The following KCNMA1 variants were observed in gnomAD, a reference collection of about 807,000 sequenced individuals.
KCNMA1 encodes the protein potassium calcium-activated channel subfamily M alpha 1.
Under a neutral mutation model 140.0 loss-of-function variants are expected in KCNMA1, and 29 were observed. That is an observed-to-expected ratio of 0.21 (90% CI 0.15 to 0.28). The LOEUF (loss-of-function observed/expected upper bound fraction) is 0.28, where lower values mean the gene tolerates loss of function less well. Among genes scored for constraint, KCNMA1 ranks in the 10% least tolerant of loss-of-function variants. The pLI is 1.00. For synonymous variants in KCNMA1, 612 were observed against 611.9 expected, an observed-to-expected ratio of 1.00 and a Z score of 0.00; for missense variants, 880 against 1,602.2, an observed-to-expected ratio of 0.55 and a Z score of 7.70.
intron 26 of KCNMA1, among the ~76,000 whole-genome samples, chr10:76,890,823 C>T (rs1412968199): frequency 2.6e-5 from 4 of 152,192 alleles, no homozygotes; most frequent in South Asian, 2.1e-4. Flanking sequence ...TGGCCACTTC[C>T]GTCACAGGGA....
chr10:77,453,062 C>T (rs1031024728), intron 1 of KCNMA1, among the ~76,000 whole-genome samples: 1 of 152,136 alleles, frequency 6.6e-6, no homozygotes, highest in Non-Finnish European at 1.5e-5. Flanking sequence ...AGTTAACACT[C>T]ATTATCATGC....
At chr10:77,450,119 G>C (rs879716097) in intron 1 of KCNMA1, among the ~76,000 whole-genome samples, 1 of 152,058 alleles carries the variant, frequency 6.6e-6, no homozygotes, top group South Asian at 2.1e-4. Flanking sequence ...GCAGTGGCAC[G>C]ATCTTGGCTC....
chr10:77,617,303 C>T (rs140170939), intron 1 of KCNMA1, among the ~76,000 whole-genome samples: 64 of 152,262 alleles, frequency 4.2e-4, no homozygotes, highest in East Asian at 9.6e-4. Context: ...CAAAGAGCCA[C>T]GCCAGGTAAG....
intron 1 of KCNMA1, among the ~76,000 whole-genome samples, chr10:77,514,035 G>A (rs573229529): frequency 9.2e-5 from 14 of 152,376 alleles, no homozygotes; most frequent in Non-Finnish European, 1.8e-4. Context: ...AGCACCACCC[G>A]TGCCTATCTT....
intron 1 of KCNMA1, among the ~76,000 whole-genome samples, chr10:77,618,883 G>T (rs762327119): frequency 1.3e-5 from 2 of 152,226 alleles, no homozygotes; most frequent in African/African-American, 2.4e-5. Flanking sequence ...ACAGGAGTCA[G>T]CTAAGTGGAA....
At chr10:77,508,631 T>C (rs1320377770) in intron 1 of KCNMA1, among the ~76,000 whole-genome samples, 3 of 151,034 alleles carry the variant, frequency 2.0e-5, no homozygotes, top group Non-Finnish European at 4.4e-5. Context: ...TCTCTCTTTT[T>C]TTCTTTTTGT....
At chr10:76,934,426 C>T (rs1338531818) in intron 23 of KCNMA1, among the ~76,000 whole-genome samples, 2 of 152,202 alleles carry the variant, frequency 1.3e-5, no homozygotes, top group South Asian at 2.1e-4. Flanking sequence ...CTAGATTTAT[C>T]TGCCAGCTTG....
intron 5 of KCNMA1, among the ~76,000 whole-genome samples, chr10:77,122,431 C>T (rs1028007905): frequency 5.9e-5 from 9 of 151,888 alleles, no homozygotes; most frequent in Non-Finnish European, 1.0e-4. Flanking sequence ...AAAAGGCTCA[C>T]GGCCAAAAGC....
intron 1 of KCNMA1, among the ~76,000 whole-genome samples, chr10:77,405,846 C>A (rs1055488344): frequency 6.6e-6 from 1 of 151,976 alleles, no homozygotes; most frequent in East Asian, 1.9e-4. Flanking sequence ...AGGCCAGGCA[C>A]GTGGGAGGCA....
intron 14 of KCNMA1, among the ~76,000 whole-genome samples, chr10:77,061,380 T>G (rs777098367): frequency 1.3e-5 from 2 of 152,092 alleles, no homozygotes; most frequent in Admixed American, 6.5e-5. Flanking sequence ...AAAAAGCATA[T>G]ACAGATGACA....
intron 19 of KCNMA1, among the ~76,000 whole-genome samples, chr10:76,981,486 T>A (rs529760614): frequency 6.6e-6 from 1 of 152,244 alleles, no homozygotes; most frequent in South Asian, 2.1e-4. Flanking sequence ...CGCCGTCTGA[T>A]TGTGAGGGCC....
chr10:77,061,252 A>AG lies in KCNMA1; in HGVS notation c.1749+11844dup, dbSNP rs1046792337. 5.9e-5 allele frequency among the ~76,000 whole-genome samples: 9 copies of AG among 152,340 alleles called. No individual in the cohort carries two copies. The South Asian group carries it at 8.3e-4, about 14-fold the overall frequency. On this transcript the variant is annotated intron_variant, in intron 14 of 27. Transcript: ENST00000286628. ...AAAATGAAAACACAAGCTACAGATT[A>AG]GGGGCAAATATTTACAAATTGTATA...
chr10:77,241,705 C>T (rs2057324258), intron 3 of KCNMA1, among the ~76,000 whole-genome samples: 1 of 151,940 alleles, frequency 6.6e-6, no homozygotes, highest in African/African-American at 2.4e-5. Flanking sequence ...CCCAACTACT[C>T]AGGAGACTGA....
At chr10:77,072,258 A>G (rs2096241815) in intron 14 of KCNMA1, among the ~76,000 whole-genome samples, 1 of 152,232 alleles carries the variant, frequency 6.6e-6, no homozygotes, top group African/African-American at 2.4e-5. Context: ...CCCGTTTTAC[A>G]CACGGGTTTG....
At chr10:76,955,550 T>C (rs895100044) in intron 20 of KCNMA1, among the ~76,000 whole-genome samples, 9 of 152,216 alleles carry the variant, frequency 5.9e-5, no homozygotes, top group Non-Finnish European at 1.3e-4. Flanking sequence ...ATCTGTCATA[T>C]CTGATCTTAA....
rs528942702 is a variant in KCNMA1 at position 76,999,553 on chromosome 10, G to C, written c.2266+1854C>G. 3.3e-5 allele frequency among the ~76,000 whole-genome samples: 5 copies of C among 152,280 alleles called. No homozygotes were observed. In the South Asian group the frequency reaches 1.0e-3, roughly 32 times the overall value. On this transcript the variant is annotated intron_variant, in intron 19 of 27. Coordinates refer to ENST00000286628, the MANE Select transcript of KCNMA1 (RefSeq NM_001161352.2). The stretch of plus-strand genomic sequence containing the variant: ...TCCCCAGCACCTATCTTTGAACTTG[G>C]TGTCTTGCTGCACATCGTAGACAGA...
chr10:77,632,232 G>T (rs1032498324), intron 1 of KCNMA1, among the ~76,000 whole-genome samples: 2 of 151,030 alleles, frequency 1.3e-5, no homozygotes, highest in Non-Finnish European at 1.5e-5. Flanking sequence ...TAAAAGGCAG[G>T]TGTGCCACAG....
chr10:77,455,874 G>A (rs2097755744), intron 1 of KCNMA1, among the ~76,000 whole-genome samples: 1 of 152,178 alleles, frequency 6.6e-6, no homozygotes, highest in South Asian at 2.1e-4. Flanking sequence ...TCAGCTCTTA[G>A]TCCTCAGAGC....
intron 1 of KCNMA1, among the ~76,000 whole-genome samples, chr10:77,630,391 C>T (rs2093040292): frequency 6.6e-6 from 1 of 152,178 alleles, no homozygotes; most frequent in Non-Finnish European, 1.5e-5. Context: ...AACACACAGA[C>T]CACACCCTGT....
Sources: gnomAD v4.1 joint callset for allele counts (sites outside exome capture counted in the v4.1 genomes callset) on GRCh38, gnomAD v4.1.1 for gene constraint, MANE v1.5 for transcripts, NCBI Gene and HGNC (gene_info 2026-07-23, HGNC 2026-07-21) for gene names.